The following LPP variants were observed in gnomAD, a reference collection of about 807,000 sequenced individuals.
LPP encodes LIM domain containing preferred translocation partner in lipoma, also known as lipoma-preferred partner.
In LPP, 38 loss-of-function variants were observed where a neutral mutation model predicts 60.4. The observed-to-expected ratio is 0.63, with a 90% confidence interval of 0.49 to 0.83. LPP has a LOEUF of 0.83. Ranked by LOEUF, LPP falls within the 40% of genes least tolerant of loss-of-function variation. The probability of loss-of-function intolerance (pLI) is 0.00; values close to 1 mark genes in which losing one functional copy is unlikely to be tolerated. For missense variants in LPP, 902 were observed against 783.6 expected, an observed-to-expected ratio of 1.15 and a Z score of -1.80; for synonymous variants, 328 against 290.8, an observed-to-expected ratio of 1.13 and a Z score of -1.30.
intron 4 of LPP, among the ~76,000 whole-genome samples, chr3:188,457,048 G>T (rs1051074515): frequency 6.6e-6 from 1 of 152,174 alleles, no homozygotes; most frequent in Non-Finnish European, 1.5e-5. Context: ...ACATCTGTAA[G>T]ATAATCTTTT....
At chr3:188,343,189 C>T (rs1763503609) in intron 3 of LPP, among the ~76,000 whole-genome samples, 2 of 152,024 alleles carry the variant, frequency 1.3e-5, no homozygotes, top group African/African-American at 4.8e-5. Context: ...CAACGGGCCC[C>T]GATGTGTGAT....
intron 2 of LPP, among the ~76,000 whole-genome samples, chr3:188,305,365 A>T (rs1285660164): frequency 6.6e-6 from 1 of 152,206 alleles, no homozygotes; most frequent in Non-Finnish European, 1.5e-5. Context: ...GGATTGGGAC[A>T]TAAAAAAGTA....
intron 9 of LPP, among the ~76,000 whole-genome samples, chr3:188,775,214 AGCTAATTTT>A: frequency 6.6e-6 from 1 of 152,092 alleles, no homozygotes; most frequent in East Asian, 1.9e-4. Context: ...CACCACGCCC[AGCTAATTTT>A]TGTATTTTTA....
At chr3:188,265,428 T>TAGG (rs1735149743) in intron 2 of LPP, among the ~76,000 whole-genome samples, 1 of 152,124 alleles carries the variant, frequency 6.6e-6, no homozygotes, top group Non-Finnish European at 1.5e-5. Flanking sequence ...AGGAGACTGG[T>TAGG]GTCTGGGGAA....
At chr3:188,407,734 C>T (rs1783857976) in intron 4 of LPP, among the ~76,000 whole-genome samples, 1 of 148,098 alleles carries the variant, frequency 6.8e-6, no homozygotes, top group Non-Finnish European at 1.5e-5. Flanking sequence ...TTCATAGGGA[C>T]AGGAGGAGCC....
At chr3:188,451,908 T>G (rs1238597119) in intron 4 of LPP, among the ~76,000 whole-genome samples, 1 of 152,192 alleles carries the variant, frequency 6.6e-6, no homozygotes, top group Non-Finnish European at 1.5e-5. Flanking sequence ...ATGGAGTGCT[T>G]ACTATGCTCT....
At chr3:188,653,513 C>T (rs1580715590) in intron 7 of LPP, among the ~76,000 whole-genome samples, 1 of 152,042 alleles carries the variant, frequency 6.6e-6, no homozygotes, top group African/African-American at 2.4e-5. Flanking sequence ...AGATGAGTTA[C>T]AAAGAAACTC....
At chr3:188,244,146 T>C (rs1726021309) in intron 2 of LPP, among the ~76,000 whole-genome samples, 1 of 152,204 alleles carries the variant, frequency 6.6e-6, no homozygotes, top group Non-Finnish European at 1.5e-5. Context: ...TCTGGGATTA[T>C]AGAAGTGAGC....
At chr3:188,161,703 T>C (rs552118105) in intron 1 of LPP, among the ~76,000 whole-genome samples, 8 of 152,370 alleles carry the variant, frequency 5.3e-5, no homozygotes, top group African/African-American at 1.9e-4. Context: ...CAATTTCTGC[T>C]GTACCTCACA....
At chr3:188,171,769 C>A (rs575389851) in intron 1 of LPP, among the ~76,000 whole-genome samples, 1 of 152,182 alleles carries the variant, frequency 6.6e-6, no homozygotes, top group African/African-American at 2.4e-5. Context: ...TTGGGCAATG[C>A]ACTACTAGGT....
chr3:188,563,458 A>ACATGTGTGTGTGTGTG (rs1831228884), intron 6 of LPP, among the ~76,000 whole-genome samples: 1 of 76,034 alleles, frequency 1.3e-5, no homozygotes, highest in Non-Finnish European at 2.8e-5. Flanking sequence ...ATTTACATAT[A>ACATGTGTGTGTGTGTG]TATGTGTGTG....
At chr3:188,335,912 G>A (rs1286491957) in intron 2 of LPP, among the ~76,000 whole-genome samples, 1 of 152,150 alleles carries the variant, frequency 6.6e-6, no homozygotes, top group Non-Finnish European at 1.5e-5. Context: ...ATTAGGGTTG[G>A]TGTTACAGTT....
At chr3:188,579,253 GGT>G (rs948320679) in intron 6 of LPP, among the ~76,000 whole-genome samples, 1 of 151,528 alleles carries the variant, frequency 6.6e-6, no homozygotes, top group Non-Finnish European at 1.5e-5. Context: ...GGAACATGGA[GGT>G]GTGTGTGTGA....
intron 8 of LPP, among the ~76,000 whole-genome samples, chr3:188,715,808 A>G (rs115749395): frequency 0.046 from 6,989 of 152,302 alleles, 231 homozygotes; most frequent in Non-Finnish European, 0.067. Flanking sequence ...ACTATGGCAT[A>G]ATTTTTTCCA....
intron 2 of LPP, among the ~76,000 whole-genome samples, chr3:188,262,065 G>A (rs1479416303): frequency 6.6e-6 from 1 of 152,200 alleles, no homozygotes; most frequent in Non-Finnish European, 1.5e-5. Context: ...GCTACATGCT[G>A]GGGTTGACGA....
chr3:188,397,642 T>C (rs1348734585), intron 3 of LPP, among the ~76,000 whole-genome samples: 4 of 151,706 alleles, frequency 2.6e-5, no homozygotes, highest in African/African-American at 9.7e-5. Context: ...GAGATGGAGT[T>C]TCACCCTGTC....
chr3:188,765,123 T>C (rs139173777), intron 9 of LPP, among the ~76,000 whole-genome samples: 1 of 152,192 alleles, frequency 6.6e-6, no homozygotes, highest in Non-Finnish European at 1.5e-5. Context: ...TAAAATGTTT[T>C]AAAAGCACTT....
chr3:188,277,087 A>G (rs1740215370), intron 2 of LPP, among the ~76,000 whole-genome samples: 1 of 151,580 alleles, frequency 6.6e-6, no homozygotes, highest in South Asian at 2.1e-4. Flanking sequence ...CATTTTTAGT[A>G]GAGATGGGGT....
intron 4 of LPP, among the ~76,000 whole-genome samples, chr3:188,414,366 T>C (rs1785625649): frequency 6.6e-6 from 1 of 152,174 alleles, no homozygotes; most frequent in Non-Finnish European, 1.5e-5. Flanking sequence ...ATTTCAGTAT[T>C]GTGGATTAGG....
Sources: gnomAD v4.1 joint callset for allele counts (sites outside exome capture counted in the v4.1 genomes callset) on GRCh38, gnomAD v4.1.1 for gene constraint, MANE v1.5 for transcripts, NCBI Gene and HGNC (gene_info 2026-07-23, HGNC 2026-07-21) for gene names.